The following DENND1A variants were observed in gnomAD, a reference collection of about 807,000 sequenced individuals.
DENND1A encodes DENN domain-containing protein 1A.
In DENND1A, 51 loss-of-function variants were observed where a neutral mutation model predicts 113.7. The observed-to-expected ratio is 0.45, with a 90% CI of 0.36 to 0.57. The LOEUF (loss-of-function observed/expected upper bound fraction) is 0.57, where lower values mean the gene tolerates loss of function less well. DENND1A is among the 20% of genes least tolerant of loss of function. The probability of loss-of-function intolerance (pLI) is 0.00; values close to 1 mark genes in which losing one functional copy is unlikely to be tolerated. For missense variants in DENND1A, 1,258 were observed against 1,395.9 expected, an observed-to-expected ratio of 0.90 and a Z score of 1.57; for synonymous variants, 565 against 570.8, an observed-to-expected ratio of 0.99 and a Z score of 0.14.
At chr9:123,708,336 T>A (rs1164569374) in intron 5 of DENND1A, among the ~76,000 whole-genome samples, 1 of 152,172 alleles carries the variant, frequency 6.6e-6, no homozygotes, top group African/African-American at 2.4e-5. Context: ...AGAGTTCTAT[T>A]CTGGATAGAG....
intron 5 of DENND1A, among the ~76,000 whole-genome samples, chr9:123,728,506 A>AAAAAAAAAAAACAAAAAAAC (rs1564150268): frequency 6.9e-6 from 1 of 145,814 alleles, no homozygotes; most frequent in African/African-American, 2.7e-5. Context: ...AAAAAAAAAA[A>AAAAAAAAAAAACAAAAAAAC]AAAACAGGCA....
chr9:123,587,216 C>T (rs1029510421), intron 11 of DENND1A, among the ~76,000 whole-genome samples: 3 of 152,088 alleles, frequency 2.0e-5, no homozygotes, highest in African/African-American at 7.2e-5. Flanking sequence ...TGAAGTAATT[C>T]TTTAACATAG....
intron 11 of DENND1A, among the ~76,000 whole-genome samples, chr9:123,601,616 T>A (rs1463149781): frequency 1.3e-5 from 2 of 152,188 alleles, no homozygotes; most frequent in Non-Finnish European, 2.9e-5. Flanking sequence ...AATAAAGCAA[T>A]CTCCACCCAG....
intron 4 of DENND1A, among the ~76,000 whole-genome samples, chr9:123,763,522 A>T (rs547886327): frequency 6.6e-6 from 1 of 152,188 alleles, no homozygotes; most frequent in African/African-American, 2.4e-5. Context: ...AGTTGAATAC[A>T]CTAGTTAGGA....
chr9:123,424,875 C>G (rs1325695168), intron 19 of DENND1A, among the ~76,000 whole-genome samples: 1 of 152,180 alleles, frequency 6.6e-6, no homozygotes, highest in Non-Finnish European at 1.5e-5. Flanking sequence ...AATGAAAACC[C>G]CTAGGTCCAC....
chr9:123,796,752 T>TACAC (rs1191964519), intron 2 of DENND1A, among the ~76,000 whole-genome samples: 1 of 107,154 alleles, frequency 9.3e-6, no homozygotes, highest in African/African-American at 4.9e-5. Context: ...CTCCTATGTG[T>TACAC]ACATACACAC....
chr9:123,615,336 G>A (rs184019837), intron 10 of DENND1A, among the ~76,000 whole-genome samples: 178 of 152,318 alleles, frequency 1.2e-3, no homozygotes, highest in Non-Finnish European at 2.3e-3. Flanking sequence ...GCAGAACTGG[G>A]ACTAGAACCC....
intron 2 of DENND1A, among the ~76,000 whole-genome samples, chr9:123,849,832 C>G (rs980905480): frequency 3.9e-5 from 6 of 152,096 alleles, no homozygotes; most frequent in African/African-American, 9.7e-5. Context: ...TTCCAGCCCT[C>G]CTGGATGACA....
intron 1 of DENND1A, among the ~76,000 whole-genome samples, chr9:123,899,431 T>C (rs573527692): frequency 6.6e-6 from 1 of 152,216 alleles, no homozygotes; most frequent in African/African-American, 2.4e-5. Context: ...CCTTAAATGC[T>C]GGAGGTTTGG....
intron 22 of DENND1A, among the ~76,000 whole-genome samples, chr9:123,385,194 C>T (rs556583028): frequency 1.3e-5 from 2 of 152,238 alleles, no homozygotes; most frequent in African/African-American, 4.8e-5. Context: ...GACGGAGTTT[C>T]ACTCTTGTCT....
chr9:123,601,661 A>T (rs1413693831), intron 11 of DENND1A, among the ~76,000 whole-genome samples: 2 of 152,260 alleles, frequency 1.3e-5, no homozygotes, highest in African/African-American at 4.8e-5. Flanking sequence ...TCTTATTTTT[A>T]TACTACTAAC....
intron 19 of DENND1A, among the ~76,000 whole-genome samples, chr9:123,439,403 T>C (rs1008959849): frequency 6.6e-6 from 1 of 152,216 alleles, no homozygotes; most frequent in Non-Finnish European, 1.5e-5. Flanking sequence ...GCAAGAATTT[T>C]GTGAGTTTCG....
At position 123,893,880 on chromosome 9, in the gene DENND1A, T is replaced by G. The variant is rs76634408; in HGVS notation, c.18-14859A>C. Among the ~76,000 whole-genome samples, 327 of 152,278 alleles carry G rather than the reference T, an allele frequency of 2.1e-3. 1 individual carries two copies. Among genetic ancestry groups the G allele is most frequent in the African/African-American group, 6.6e-3 (274 of 41,546 alleles). The stretch of plus-strand genomic sequence containing the variant: ...TTTATTCAAGATGCATCTAGAACAG[T>G]GCTTGGCAAGTAGTAGGCACTTAAG... On this transcript the variant is annotated intron_variant, in intron 1 of 23. Coordinates refer to ENST00000394215, the MANE Select transcript of DENND1A (RefSeq NM_001352964.2).
At chr9:123,728,499 A>AAAAAAC (rs1564150113) in intron 5 of DENND1A, among the ~76,000 whole-genome samples, 9 of 147,284 alleles carry the variant, frequency 6.1e-5, no homozygotes, top group African/African-American at 2.3e-4. Flanking sequence ...AAAAAAAAAA[A>AAAAAAC]AAAAAAAAAA....
intron 19 of DENND1A, among the ~76,000 whole-genome samples, chr9:123,417,100 CTCT>C (rs2131667932): frequency 6.6e-6 from 1 of 152,334 alleles, no homozygotes; most frequent in South Asian, 2.1e-4. Flanking sequence ...TCTCAGTGAA[CTCT>C]TCTGTAAAAT....
chr9:123,454,859 T>A (rs1309930199), intron 15 of DENND1A, 80 bp from the exon 16 acceptor site: 8 of 1,395,498 alleles, frequency 5.7e-6, no homozygotes, highest in Non-Finnish European at 7.9e-6. Context: ...CTTTTTTTTT[T>A]TTTTTTGAGA....
intron 5 of DENND1A, among the ~76,000 whole-genome samples, chr9:123,696,466 T>C (rs2065527996): frequency 6.6e-6 from 1 of 152,110 alleles, no homozygotes; most frequent in Non-Finnish European, 1.5e-5. Context: ...TTTTTAAAGG[T>C]GGAGAGTGGG....
chr9:123,881,817 C>T lies in DENND1A; in HGVS notation c.18-2796G>A, dbSNP rs1588068539. Among the ~76,000 whole-genome samples, 3 of 152,266 alleles carry T rather than the reference C, an allele frequency of 2.0e-5. No homozygotes were observed. In the Middle Eastern group the frequency reaches 0.01, roughly 518 times the overall value. Reference sequence around the variant, plus strand: ...ACATACTCCAACCAGGCTTCTGAACCCACGACACCACTGAAACAACTTGGT... The same window carrying T: ...ACATACTCCAACCAGGCTTCTGAACTCACGACACCACTGAAACAACTTGGT... On this transcript the variant is annotated intron_variant, in intron 1 of 23. Transcript: ENST00000394215.
chr9:123,540,700 G>A (rs564111415), intron 13 of DENND1A, among the ~76,000 whole-genome samples: 2 of 152,324 alleles, frequency 1.3e-5, no homozygotes, highest in East Asian at 1.9e-4. Flanking sequence ...AAACCAGAGA[G>A]ACGAAAGAAA....
Sources: gnomAD v4.1 joint callset for allele counts (sites outside exome capture counted in the v4.1 genomes callset) on GRCh38, gnomAD v4.1.1 for gene constraint, MANE v1.5 for transcripts, NCBI Gene and HGNC (gene_info 2026-07-23, HGNC 2026-07-21) for gene names.